The following NDUFA12 variants were observed in gnomAD, a reference collection of about 807,000 sequenced individuals.
NDUFA12 encodes the protein NADH:ubiquinone oxidoreductase subunit A12, also known as NADH dehydrogenase [ubiquinone] 1 alpha subcomplex subunit 12.
NDUFA12 carries 17 observed loss-of-function variants against 20.3 expected under a neutral mutation model. That is an observed-to-expected ratio of 0.84 (90% CI 0.57 to 1.26). The LOEUF is 1.26. Among genes scored for constraint, NDUFA12 ranks in the 50% most tolerant of loss-of-function variants. NDUFA12 has a pLI of 0.00. For missense variants in NDUFA12, 191 were observed against 183.7 expected, an observed-to-expected ratio of 1.04 and a Z score of -0.23; for synonymous variants, 72 against 63.6, an observed-to-expected ratio of 1.13 and a Z score of -0.63.
chr12:94,991,120 C>T (rs1053689802), intron 3 of NDUFA12, among the ~76,000 whole-genome samples: 8 of 151,654 alleles, frequency 5.3e-5, no homozygotes, highest in African/African-American at 1.5e-4. Context: ...CTCATCTGTA[C>T]TAAAAATACA....
At chr12:94,991,465 T>C (rs1874642974) in intron 3 of NDUFA12, among the ~76,000 whole-genome samples, 1 of 151,054 alleles carries the variant, frequency 6.6e-6, no homozygotes, top group South Asian at 2.1e-4. Flanking sequence ...CAGTGGCTCA[T>C]GCCTGTAATC....
chr12:95,003,620 G>T lies in NDUFA12; in HGVS notation c.61C>A (p.Arg21=), dbSNP rs11554614. The T allele has an allele frequency of 1.9e-6, 3 of 1,614,048 alleles. No individual in the cohort carries two copies. The African/African-American group carries it at 4.0e-5, about 22-fold the overall frequency. The change falls in exon 1 of 4, where the codon CGA becomes AGA. Residue 21 remains arginine, a synonymous_variant. Coordinates refer to ENST00000327772, the MANE Select transcript of NDUFA12 (RefSeq NM_018838.5). ...LQQITGHGGL[R]GYLRVFFRTN... is the part of the protein sequence containing the mutation. ...CTGAAAAAAACCCGTAGATAGCCTC[G>T]GAGACCGCCGTGGCCGGTGATCTGC...
rs1055400433 is a variant in NDUFA12, at chr12:94,996,461, A to T, written c.170-2204T>A. On this transcript the variant is annotated intron_variant, in intron 2 of 3. Coordinates refer to ENST00000327772, the MANE Select transcript of NDUFA12 (RefSeq NM_018838.5). The stretch of plus-strand genomic sequence containing the variant: ...AGCATTGGGATTACAGGCATGAGCC[A>T]CCATGCCAGGCCCTAATTTTTTTTT... Among the ~76,000 whole-genome samples, 42 of 151,602 alleles carry T rather than the reference A, an allele frequency of 2.8e-4. No individual in the cohort carries two copies. The South Asian group carries it at 8.8e-3, about 32-fold the overall frequency.
At chr12:94,998,995 T>G (rs1232866505) in intron 2 of NDUFA12, among the ~76,000 whole-genome samples, 2 of 152,150 alleles carry the variant, frequency 1.3e-5, no homozygotes, top group African/African-American at 2.4e-5. Context: ...CTAAAATTCA[T>G]ATGGAACCAA....
In NDUFA12 at chr12:95,002,893, A is replaced by T. The variant is rs6538588; in HGVS notation, c.87-72T>A. ...TCAAAACATAAACGGAAATAAAGTG[A>T]GAGTAACAACTTTCAGACACAAGGG... On this transcript the variant is annotated intron_variant, in intron 1 of 3. Transcript: ENST00000327772. 712,356 of 1,336,908 alleles carry T rather than the reference A, an allele frequency of 0.53. 192,559 individuals carry two copies. Among genetic ancestry groups the T allele is most frequent in the African/African-American group, 0.66 (45,980 of 69,548 alleles). The allele number at this position is 1,336,908 out of a possible 1,614,324, so 82.8% of individuals were successfully genotyped here.
At chr12:94,977,818 A>T (rs1034297880) in intron 3 of NDUFA12, among the ~76,000 whole-genome samples, 2 of 152,020 alleles carry the variant, frequency 1.3e-5, no homozygotes, top group African/African-American at 2.4e-5. Context: ...TAAATAATAT[A>T]AAAAAAATGT....
chr12:94,975,366 GT>G (rs1390796767), intron 3 of NDUFA12, among the ~76,000 whole-genome samples: 1 of 152,104 alleles, frequency 6.6e-6, no homozygotes, highest in Middle Eastern at 3.2e-3. Flanking sequence ...AAACAATGAA[GT>G]TTAATCAAGG....
At chr12:94,985,583 C>T (rs1592701532) in intron 3 of NDUFA12, among the ~76,000 whole-genome samples, 2 of 144,218 alleles carry the variant, frequency 1.4e-5, no homozygotes, top group South Asian at 2.3e-4. Flanking sequence ...GCTGAGATCA[C>T]GCCACTGCAC....
At chr12:94,994,911 A>T (rs1250672562) in intron 2 of NDUFA12, among the ~76,000 whole-genome samples, 1 of 152,112 alleles carries the variant, frequency 6.6e-6, no homozygotes, top group Non-Finnish European at 1.5e-5. Context: ...ACTTATTATC[A>T]GTGGTTATTA....
chr12:95,000,346 A>T (rs567166301), intron 2 of NDUFA12, among the ~76,000 whole-genome samples: 4 of 152,336 alleles, frequency 2.6e-5, no homozygotes, highest in African/African-American at 9.6e-5. Flanking sequence ...TACATACTGG[A>T]TACAGTGTAA....
Position 94,977,558 on chromosome 12 carries a change from C to T in NDUFA12, c.258-5938G>A, listed in dbSNP as rs574987206. ...CAGTGGGTCAAAGTACTAAAAAGGA[C>T]AGGTTGAAATTGCAATGTAATTCAG... On this transcript the variant is annotated intron_variant, in intron 3 of 3. Coordinates refer to ENST00000327772, the MANE Select transcript of NDUFA12 (RefSeq NM_018838.5). Among the ~76,000 whole-genome samples, 4 of 151,462 alleles carry T rather than the reference C, an allele frequency of 2.6e-5. No individual in the cohort carries two copies. In the South Asian group the frequency reaches 8.3e-4, roughly 32 times the overall value.
rs753123680 is a variant in NDUFA12 at position 94,971,458 on chromosome 12, A to T, written c.420T>A (p.Pro140=). The change falls in exon 4 of 4, where the codon CCT becomes CCA. Residue 140 remains proline (P), a synonymous_variant. Transcript: ENST00000327772. ...TRKKIQEWIP[P]STPYK is the part of the protein sequence containing the mutation. ...ATTGTCTTTACTTGTAAGGTGTTGA[A>T]GGTGGGATCCACTCCTGAATCTTCT... 3 of 1,614,188 alleles carry T rather than the reference A, an allele frequency of 1.9e-6. No homozygotes were observed. The East Asian group carries it at 6.7e-5, about 36-fold the overall frequency.
chr12:95,003,444 C>A, intron 1 of NDUFA12, 151 bp downstream of exon 1: 1 of 836,582 alleles, frequency 1.2e-6, no homozygotes, highest in Non-Finnish European at 2.0e-6. Flanking sequence ...GGACAGAGAC[C>A]AGCCTGGGGG....
chr12:94,989,236 C>T (rs1442371092), intron 3 of NDUFA12, among the ~76,000 whole-genome samples: 1 of 152,102 alleles, frequency 6.6e-6, no homozygotes, highest in African/African-American at 2.4e-5. Flanking sequence ...TTTTTCATTA[C>T]CACAATTATA....
chr12:95,003,585 G>A lies in NDUFA12; in HGVS notation c.86+10C>T, dbSNP rs371045435. The A allele has an allele frequency of 1.9e-6, 3 of 1,613,720 alleles. No individual in the cohort carries two copies. The highest frequency in any genetic ancestry group is 2.2e-5 in the South Asian group (2 of 91,080). ...CCCCAGAGGCCAAGAGCATGGCTCT[G>A]GCCGCCTACCTGAAAAAAACCCGTA... On this transcript the variant is annotated intron_variant, in intron 1 of 3. Transcript: ENST00000327772.
At chr12:95,002,255 T>A (rs1219053005) in intron 2 of NDUFA12, among the ~76,000 whole-genome samples, 1 of 150,126 alleles carries the variant, frequency 6.7e-6, no homozygotes, top group African/African-American at 2.4e-5. Context: ...GCCTGGCCAA[T>A]ATGGTGAAAC....
chr12:94,996,687 C>T (rs771278657), intron 2 of NDUFA12, among the ~76,000 whole-genome samples: 6 of 151,874 alleles, frequency 4.0e-5, no homozygotes, highest in East Asian at 2.0e-4. Flanking sequence ...GGCATGATGG[C>T]GCATGCCTGT....
intron 3 of NDUFA12, among the ~76,000 whole-genome samples, chr12:94,978,376 T>C (rs963968399): frequency 1.3e-5 from 2 of 152,164 alleles, no homozygotes; most frequent in African/African-American, 2.4e-5. Flanking sequence ...ATGTGGGATA[T>C]ATGGAGAAAC....
At chr12:94,993,646 A>AAAAAAAAAAAAAAAC (rs1874720919) in intron 3 of NDUFA12, among the ~76,000 whole-genome samples, 1 of 138,936 alleles carries the variant, frequency 7.2e-6, no homozygotes, top group African/African-American at 2.7e-5. Flanking sequence ...AAAAAAAAAA[A>AAAAAAAAAAAAAAAC]AAAAAAAGCC....
Sources: allele counts gnomAD v4.1 joint callset (sites outside exome capture counted in the v4.1 genomes callset), GRCh38; gene constraint gnomAD v4.1.1; transcripts MANE v1.5; gene names NCBI Gene and HGNC (gene_info 2026-07-23, HGNC 2026-07-21).